MGAT3: variants seen among roughly 807,000 people sequenced by gnomAD.
MGAT3 encodes beta-1,4-mannosyl-glycoprotein 4-beta-N-acetylglucosaminyltransferase.
Under a neutral mutation model 29.8 loss-of-function variants are expected in MGAT3, and 9 were observed. The observed-to-expected ratio is 0.30, with a 90% CI of 0.18 to 0.53. The LOEUF (loss-of-function observed/expected upper bound fraction) is 0.53, where lower values mean the gene tolerates loss of function less well. MGAT3 is among the 20% of genes least tolerant of loss of function. The pLI, the probability that MGAT3 is intolerant of heterozygous loss-of-function variation, is 0.96. For missense variants in MGAT3, 557 were observed against 769.5 expected, an observed-to-expected ratio of 0.72 and a Z score of 3.27; for synonymous variants, 397 against 348.9, an observed-to-expected ratio of 1.14 and a Z score of -1.54.
At chr22:39,469,748 C>T (rs889928975) in intron 1 of MGAT3, among the ~76,000 whole-genome samples, 1 of 152,248 alleles carries the variant, frequency 6.6e-6, no homozygotes, top group African/African-American at 2.4e-5. Context: ...CTCAGCCCGC[C>T]AGGCTGGAGA....
In MGAT3 at chr22:39,487,143, C is replaced by T. The variant is rs527384938; in HGVS notation, c.-1-204C>T. 6.6e-6 allele frequency among the ~76,000 whole-genome samples: 1 copy of T among 152,170 alleles called. No homozygotes were observed. The highest frequency in any genetic ancestry group is 1.5e-5 in the Non-Finnish European group (1 of 67,986). Reference sequence around the variant, plus strand: ...ATCTCAGGGAAGGGCTATGGGAGCACGGCGGTGTCCTCAGTGCTGGGGCTT... The same window carrying T: ...ATCTCAGGGAAGGGCTATGGGAGCATGGCGGTGTCCTCAGTGCTGGGGCTT... On this transcript the variant is annotated intron_variant, in intron 1 of 1. Transcript: ENST00000341184. The surrounding 1 kb of genome is among the most constrained non-coding windows in gnomAD (Gnocchi z 5.7).
In MGAT3 at chr22:39,488,765, C is replaced by G. The variant is rs1248024330; in HGVS notation, c.1418C>G (p.Pro473Arg). ...TTCGACGGCACGCAGCAGGAGTACC[C>G]GCCTGCAGACCCCAGCGAGCACATG... ...GWFDGTQQEY[P>R]PADPSEHMYA... is the part of the protein sequence containing the mutation. The change falls in exon 2 of 2, where the codon CCG becomes CGG. Residue 473 changes from proline (P) to arginine (R), a missense_variant. Pro to Arg is a moderately radical substitution (Grantham distance 103). This residue lies in a region of MGAT3 where 102 missense variants were observed against 97.0 expected (regional missense o/e 1.05). Transcript: ENST00000341184. 6 of 1,612,204 alleles carry G rather than the reference C, an allele frequency of 3.7e-6. No individual in the cohort carries two copies. The highest frequency in any genetic ancestry group is 2.2e-5 in the South Asian group (2 of 90,926).
intron 1 of MGAT3, among the ~76,000 whole-genome samples, chr22:39,480,439 C>T (rs759782263): frequency 3.3e-5 from 5 of 152,098 alleles, no homozygotes; most frequent in Admixed American, 6.5e-5. Flanking sequence ...GCTGGAGGAC[C>T]TCAAGCCACG....
chr22:39,459,901 G>A (rs760843343), intron 1 of MGAT3, among the ~76,000 whole-genome samples: 6 of 152,240 alleles, frequency 3.9e-5, no homozygotes, highest in Non-Finnish European at 7.3e-5. Flanking sequence ...GCCAGCTGGC[G>A]GGCCAGGCCA....
chr22:39,487,685 C>G lies in MGAT3; in HGVS notation c.338C>G (p.Ala113Gly). 6.3e-7 allele frequency: 1 copy of G among 1,596,278 alleles called. No homozygotes were observed. The highest frequency in any genetic ancestry group is 8.5e-7 in the Non-Finnish European group (1 of 1,171,166). ...ACCGAGTATTTCGTGCGCACCAAGG[C>G]CGGCGGCGTCTGCTTCAAACCCGGC... Reference protein sequence around the residue: ...DTTEYFVRTKAGGVCFKPGTK... With the variant: ...DTTEYFVRTKGGGVCFKPGTK... Residue 113 changes from alanine to glycine, a missense_variant, in exon 2 of 2, where the codon GCC becomes GGC. By Grantham distance (60) the Ala-to-Gly change is moderately conservative. Transcript: ENST00000341184. The surrounding 1 kb of genome is among the most constrained non-coding windows in gnomAD (Gnocchi z 5.7).
chr22:39,480,934 C>G (rs1332336334), intron 1 of MGAT3, among the ~76,000 whole-genome samples: 1 of 152,220 alleles, frequency 6.6e-6, no homozygotes, highest in East Asian at 1.9e-4. Context: ...CCTGACTCAC[C>G]TGGGCAGTTC....
At chr22:39,484,880 G>A (rs1299626797) in intron 1 of MGAT3, among the ~76,000 whole-genome samples, 1 of 152,084 alleles carries the variant, frequency 6.6e-6, no homozygotes, top group Non-Finnish European at 1.5e-5. Flanking sequence ...GCACACGCCT[G>A]TAATTCCAGC....
At chr22:39,470,684 C>T (rs1928783067) in intron 1 of MGAT3, among the ~76,000 whole-genome samples, 1 of 152,138 alleles carries the variant, frequency 6.6e-6, no homozygotes, top group Non-Finnish European at 1.5e-5. Context: ...TGCAGGCTTT[C>T]CTGCCCCTCT....
chr22:39,469,195 C>T, intron 1 of MGAT3, among the ~76,000 whole-genome samples: 1 of 150,768 alleles, frequency 6.6e-6, no homozygotes, highest in East Asian at 1.9e-4. Context: ...ACGGACAAGC[C>T]TTGGTGATGG....
At position 39,487,180 on chromosome 22, in the gene MGAT3, G is replaced by T; in HGVS notation, c.-1-167G>T. The T allele has an allele frequency of 4.5e-6, 1 of 224,696 alleles. No homozygotes were observed. The highest frequency in any genetic ancestry group is 7.4e-6 in the Non-Finnish European group (1 of 134,568). The allele number at this position is 224,696 out of a possible 1,614,324, so 13.9% of individuals were successfully genotyped here. On this transcript the variant is annotated intron_variant, in intron 1 of 1. Transcript: ENST00000341184. This position sits in a 1 kb window ranked among gnomAD's most constrained non-coding sequence, Gnocchi z 5.7. ...CAGTGCTGGGGCTTTCAGGGGCCTT[G>T]GTACCGCGAGTTGACTCTTGGGGGC...
intron 1 of MGAT3, among the ~76,000 whole-genome samples, chr22:39,469,551 G>A (rs1229136497): frequency 6.6e-6 from 1 of 152,178 alleles, no homozygotes; most frequent in Non-Finnish European, 1.5e-5. Flanking sequence ...GCTCCCCACT[G>A]CCTAGGACTC....
At chr22:39,460,823 T>TG (rs1214453744) in intron 1 of MGAT3, among the ~76,000 whole-genome samples, 2 of 151,760 alleles carry the variant, frequency 1.3e-5, no homozygotes, top group Non-Finnish European at 2.9e-5. Context: ...ATAAATAAAA[T>TG]GGGGGTGGGG....
intron 1 of MGAT3, among the ~76,000 whole-genome samples, chr22:39,460,690 T>G (rs1261009977): frequency 6.6e-6 from 1 of 152,050 alleles, no homozygotes; most frequent in African/African-American, 2.4e-5. Context: ...TCCAGCTACT[T>G]GGGAGGCTGA....
chr22:39,487,584 C>G lies in MGAT3; in HGVS notation c.237C>G (p.Pro79=), dbSNP rs1219837654. The G allele has an allele frequency of 5.0e-6, 8 of 1,611,562 alleles. No individual in the cohort carries two copies. Among genetic ancestry groups the G allele is most frequent in the Admixed American group, 1.7e-5 (1 of 59,858 alleles). The stretch of plus-strand genomic sequence containing the variant: ...GTACCCCACTCTACTCCCACTCGCC[C>G]CTGCTGCAGCCGCTGCCGCCCAGCA... ...LLRTPLYSHS[P]LLQPLPPSKA... The change falls in exon 2 of 2, where the codon CCC becomes CCG. Residue 79 remains proline (P), a synonymous_variant. Transcript: ENST00000341184. The surrounding 1 kb of genome is among the most constrained non-coding windows in gnomAD (Gnocchi z 5.7).
At chr22:39,472,023 C>G (rs141702012) in intron 1 of MGAT3, among the ~76,000 whole-genome samples, 24 of 152,212 alleles carry the variant, frequency 1.6e-4, no homozygotes, top group Non-Finnish European at 3.2e-4. Flanking sequence ...TCCCCGGCAG[C>G]AGGAATGCTC....
chr22:39,464,694 G>A (rs1928588847), intron 1 of MGAT3, among the ~76,000 whole-genome samples: 2 of 151,752 alleles, frequency 1.3e-5, no homozygotes, highest in Non-Finnish European at 2.9e-5. Flanking sequence ...ACCTGCCTCC[G>A]CCTCCCAAAG....
At chr22:39,466,038 G>A (rs1928636360) in intron 1 of MGAT3, among the ~76,000 whole-genome samples, 1 of 152,196 alleles carries the variant, frequency 6.6e-6, no homozygotes, top group African/African-American at 2.4e-5. Flanking sequence ...AAGGTGCATG[G>A]GGAAGAGAAA....
intron 1 of MGAT3, among the ~76,000 whole-genome samples, chr22:39,466,031 G>T (rs1928636027): frequency 6.6e-6 from 1 of 152,162 alleles, no homozygotes; most frequent in African/African-American, 2.4e-5. Context: ...CCAGCAAAAG[G>T]TGCATGGGGA....
At position 39,488,289 on chromosome 22, in the gene MGAT3, C is replaced by T. The variant is rs1196179676; in HGVS notation, c.942C>T (p.Ile314=). ...LRNLRPDDVF[I]IDDADEIPAR... Reference sequence around the variant, plus strand: ...ACCTGCGGCCCGACGACGTCTTCATCATTGACGATGCGGACGAGATCCCGG... The same window carrying T: ...ACCTGCGGCCCGACGACGTCTTCATTATTGACGATGCGGACGAGATCCCGG... The change falls in exon 2 of 2, where the codon ATC becomes ATT. Residue 314 remains isoleucine, a synonymous_variant. Coordinates refer to ENST00000341184, the MANE Select transcript of MGAT3 (RefSeq NM_002409.5). 2 of 1,611,920 alleles carry T rather than the reference C, an allele frequency of 1.2e-6. No individual in the cohort carries two copies. The highest frequency in any genetic ancestry group is 1.6e-4 in the Middle Eastern group (1 of 6,062).
Sources: gnomAD v4.1 joint callset for allele counts (sites outside exome capture counted in the v4.1 genomes callset) on GRCh38, gnomAD v4.1.1 for gene constraint, gnomAD v4.1.1 regional missense constraint, Gnocchi (gnomAD v3.1) non-coding constraint, MANE v1.5 for transcripts, NCBI Gene and HGNC (gene_info 2026-07-23, HGNC 2026-07-21) for gene names.